MCM5: variants seen among roughly 807,000 people sequenced by gnomAD.
The protein encoded by MCM5 is DNA replication licensing factor MCM5.
MCM5 carries 46 observed loss-of-function variants against 79.9 expected under a neutral mutation model. The observed-to-expected ratio is 0.58, with a 90% CI of 0.45 to 0.74. The LOEUF (loss-of-function observed/expected upper bound fraction) is 0.74, where lower values mean the gene tolerates loss of function less well. Among genes scored for constraint, MCM5 ranks in the 30% least tolerant of loss-of-function variants. MCM5 has a pLI of 0.00. For missense variants in MCM5, 883 were observed against 1,017.0 expected (o/e 0.87, Z 1.79); for synonymous variants, 404 against 390.5 (o/e 1.03, Z -0.41).
rs774321773 is a variant in MCM5, at chr22:35,408,385, C to T, written c.597-23C>T. Reference sequence around the variant, plus strand: ...TGGATTCTCCAGGTAGCTTTGGTGACTCTTTTCCCTTACCTTGTACAGAGA... The same window carrying T: ...TGGATTCTCCAGGTAGCTTTGGTGATTCTTTTCCCTTACCTTGTACAGAGA... On this transcript the variant is annotated intron_variant, in intron 5 of 16. Coordinates refer to ENST00000216122, the MANE Select transcript of MCM5 (RefSeq NM_006739.4). 5 of 1,599,416 alleles carry T rather than the reference C, an allele frequency of 3.1e-6. No individual in the cohort carries two copies. In the South Asian group the frequency reaches 3.3e-5, roughly 11 times the overall value.
the MCM5 span, among the ~76,000 whole-genome samples, chr22:35,438,876 C>CATCCATCCATCCATCCATCCATCTACAT: frequency 1.3e-3 from 201 of 149,556 alleles, 4 homozygotes; most frequent in African/African-American, 4.8e-3. Context: ...TCCATCCATC[C>CATCCATCCATCCATCCATCCATCTACAT]ATCCATCCAT....
chr22:35,453,819 T>G, the MCM5 span, among the ~76,000 whole-genome samples: 6,433 of 81,498 alleles, frequency 0.079, 304 homozygotes, highest in Middle Eastern at 0.13. Context: ...TATATATATA[T>G]AGAGAGAGAG....
rs893600976 is a variant in MCM5 at position 35,400,214 on chromosome 22, G to A, written c.-9+6G>A. ...TGAAGTGCGGAAAACCAGAGGTGAG[G>A]CTAGTGGGAGTGGGACTGGGACTGG... On this transcript the variant is annotated splice_donor_region_variant and intron_variant, in intron 1 of 16. Transcript: ENST00000216122. The A allele has an allele frequency of 2.6e-5, 15 of 569,426 alleles. No individual in the cohort carries two copies. The highest frequency in any genetic ancestry group is 1.7e-4 in the African/African-American group (9 of 53,014). The allele number at this position is 569,426 out of a possible 1,614,324, so 35.3% of individuals were successfully genotyped here. A position where few individuals can be genotyped will look rare whatever the true frequency, so the allele number is the denominator to read the frequency against.
At chr22:35,409,172 C>T (rs192620627) in intron 6 of MCM5, among the ~76,000 whole-genome samples, 2 of 152,184 alleles carry the variant, frequency 1.3e-5, no homozygotes, top group African/African-American at 2.4e-5. Context: ...ACCTTGTTAG[C>T]CAGGATGGTC....
At chr22:35,450,675 C>T in the MCM5 span, among the ~76,000 whole-genome samples, 1 of 152,200 alleles carries the variant, frequency 6.6e-6, no homozygotes, top group Non-Finnish European at 1.5e-5. Flanking sequence ...CAACCAACAA[C>T]CCGGTCCCCA....
intron 13 of MCM5, among the ~76,000 whole-genome samples, chr22:35,419,340 G>A (rs574121055): frequency 6.6e-6 from 1 of 152,180 alleles, no homozygotes; most frequent in Non-Finnish European, 1.5e-5. Context: ...GAGGGGATGG[G>A]ATAGGGTAGA....
the MCM5 span, among the ~76,000 whole-genome samples, chr22:35,440,100 G>C: frequency 1.3e-5 from 2 of 152,200 alleles, no homozygotes; most frequent in African/African-American, 2.4e-5. Context: ...TTACACACTT[G>C]TAATCAATTG....
At chr22:35,437,406 G>C in the MCM5 span, among the ~76,000 whole-genome samples, 36 of 152,296 alleles carry the variant, frequency 2.4e-4, no homozygotes, top group East Asian at 4.8e-3. Context: ...GGGTGGGCCA[G>C]CAGCCATCAT....
At chr22:35,451,208 A>G in the MCM5 span, among the ~76,000 whole-genome samples, 1 of 152,294 alleles carries the variant, frequency 6.6e-6, no homozygotes, top group Middle Eastern at 3.4e-3. Flanking sequence ...GGATGCTTTG[A>G]TGGGGTTGCC....
In MCM5 at chr22:35,419,898, G is replaced by A. The variant is rs1932649825; in HGVS notation, c.1718G>A (p.Arg573Gln). The A allele has an allele frequency of 1.2e-6, 2 of 1,612,268 alleles. No homozygotes were observed. The highest frequency in any genetic ancestry group is 1.7e-6 in the Non-Finnish European group (2 of 1,179,062). The change falls in exon 14 of 17, where the codon CGG (arginine) becomes CAG (glutamine). Residue 573 changes from arginine to glutamine, a missense_variant. By Grantham distance (43) the Arg-to-Gln change is conservative. This residue lies in a region of MCM5 where 426 missense variants were observed against 482.3 expected (regional missense o/e 0.88). Coordinates refer to ENST00000216122, the MANE Select transcript of MCM5 (RefSeq NM_006739.4). ...IAYCRVKCGPRLSAEAAEKLK... is the reference protein window; with the variant it reads ...IAYCRVKCGPQLSAEAAEKLK... ...CTGTCCTGCAGGAAGTGTGGCCCCC[G>A]GCTGTCAGCAGAGGCTGCAGAGAAA...
the MCM5 span, among the ~76,000 whole-genome samples, chr22:35,447,367 A>G: frequency 3.9e-5 from 6 of 152,124 alleles, no homozygotes; most frequent in Non-Finnish European, 8.8e-5. Context: ...TGGCTTAGCG[A>G]TGCCCGAGAT....
the MCM5 span, among the ~76,000 whole-genome samples, chr22:35,438,476 T>TCCATCCATCC: frequency 3.4e-4 from 37 of 107,722 alleles, no homozygotes; most frequent in Non-Finnish European, 5.0e-4. Flanking sequence ...TCCATCCACA[T>TCCATCCATCC]ATCCATCCAT....
At chr22:35,453,582 GAC>G in the MCM5 span, among the ~76,000 whole-genome samples, 2 of 151,148 alleles carry the variant, frequency 1.3e-5, no homozygotes, top group African/African-American at 2.4e-5. Context: ...GAATCAGAGA[GAC>G]AGACAGAGAT....
At chr22:35,449,716 A>G in the MCM5 span, among the ~76,000 whole-genome samples, 4 of 152,256 alleles carry the variant, frequency 2.6e-5, no homozygotes, top group Non-Finnish European at 4.4e-5. Context: ...GCTATGCTCT[A>G]TGCTCTGCCT....
chr22:35,428,119 C>G (rs1047557153), downstream of MCM5, among the ~76,000 whole-genome samples: 10 of 151,078 alleles, frequency 6.6e-5, no homozygotes, highest in South Asian at 2.1e-4. Context: ...CTCCCAGGAT[C>G]AAGCGATTCT....
chr22:35,423,813 C>A (rs1932751481), intron 16 of MCM5: 1 of 260,712 alleles, frequency 3.8e-6, no homozygotes, highest in Non-Finnish European at 7.2e-6. Context: ...GGTCTCCGCT[C>A]CTTGTACATC....
At chr22:35,436,746 T>C in the MCM5 span, among the ~76,000 whole-genome samples, 1 of 152,230 alleles carries the variant, frequency 6.6e-6, no homozygotes, top group Non-Finnish European at 1.5e-5. Flanking sequence ...GTCAGGACCC[T>C]GTCCTAGGAA....
chr22:35,434,304 C>T, the MCM5 span, among the ~76,000 whole-genome samples: 72 of 152,028 alleles, frequency 4.7e-4, 1 homozygote, highest in African/African-American at 1.4e-3. Flanking sequence ...GAATGGATTC[C>T]GTTGTCTGTC....
intron 9 of MCM5, 37 bp from the exon 10 acceptor site, chr22:35,415,792 G>T: frequency 1.2e-6 from 2 of 1,600,830 alleles, no homozygotes; most frequent in Non-Finnish European, 1.7e-6. Flanking sequence ...AAAGCATGGA[G>T]TTGTTATTGG....
Sources: allele counts gnomAD v4.1 joint callset (sites outside exome capture counted in the v4.1 genomes callset), GRCh38; gene constraint gnomAD v4.1.1; regional missense constraint gnomAD v4.1.1; transcripts MANE v1.5; gene names NCBI Gene and HGNC (gene_info 2026-07-23, HGNC 2026-07-21).